The following BRDT variants were observed in gnomAD, a reference collection of about 807,000 sequenced individuals.
BRDT encodes bromodomain testis associated, also known as bromodomain testis-specific protein.
A neutral mutation model predicts 113.9 loss-of-function variants in BRDT; 77 were observed. That is an observed-to-expected ratio of 0.68 (90% confidence interval 0.56 to 0.82). The LOEUF (loss-of-function observed/expected upper bound fraction) is 0.82, where lower values mean the gene tolerates loss of function less well. Ranked by LOEUF, BRDT falls within the 40% of genes least tolerant of loss-of-function variation. The pLI, the probability that BRDT is intolerant of heterozygous loss-of-function variation, is 0.00. For missense variants in BRDT, 1,027 were observed against 1,105.4 expected (o/e 0.93, Z 1.01); for synonymous variants, 358 against 366.5 (o/e 0.98, Z 0.26).
chr1:91,988,606 G>A (rs1470983150), intron 12 of BRDT, among the ~76,000 whole-genome samples: 3 of 151,954 alleles, frequency 2.0e-5, no homozygotes, highest in South Asian at 4.1e-4. Context: ...TCACCAGGTT[G>A]GCCAGGCTGG....
intron 12 of BRDT, among the ~76,000 whole-genome samples, chr1:91,986,932 TTTA>T (rs1685297104): frequency 8.5e-6 from 1 of 117,112 alleles, no homozygotes; most frequent in African/African-American, 2.8e-5. Flanking sequence ...ATTTTAGACT[TTTA>T]TAAATTCTTT....
chr1:91,992,306 G>A lies in BRDT; in HGVS notation c.2107G>A (p.Val703Ile), dbSNP rs768666658. The A allele has an allele frequency of 3.8e-5, 57 of 1,513,698 alleles. No homozygotes were observed. Among genetic ancestry groups the A allele is most frequent in the Non-Finnish European group, 4.4e-5 (49 of 1,126,050 alleles). The allele number at this position is 1,513,698 out of a possible 1,614,324, so 93.8% of individuals were successfully genotyped here. ...CATACCGCCTGAAGGAAGAACAGGC[G>A]TCACACAGGTAATGCTTAAAATGTG... The part of the protein sequence containing the change: ...ECIPPEGRTG[V>I]TQIGYCVQDT... The change falls in exon 14 of 19, where the codon GTC becomes ATC. Residue 703 changes from valine to isoleucine, a missense_variant. By Grantham distance (29) the Val-to-Ile change is conservative. Transcript: ENST00000399546.
Position 91,991,228 on chromosome 1 carries a change from T to C in BRDT, c.2047T>C (p.Ser683Pro). The C allele has an allele frequency of 6.5e-7, 1 of 1,550,050 alleles. No homozygotes were observed. The highest frequency in any genetic ancestry group is 1.2e-5 in the South Asian group (1 of 85,722). ...FTEVKPNDSP[S>P]KENVKKMKNE... Reference sequence around the variant, plus strand: ...AGAAGTAAAACCAAATGATTCTCCTTCTAAAGAGAATGTAAAGGTAAGTGA... The same window carrying C: ...AGAAGTAAAACCAAATGATTCTCCTCCTAAAGAGAATGTAAAGGTAAGTGA... Residue 683 changes from serine (S) to proline (P), a missense_variant, in exon 13 of 19, where the codon TCT becomes CCT. Transcript: ENST00000399546.
At chr1:91,976,060 C>G (rs1684108913) in intron 4 of BRDT, among the ~76,000 whole-genome samples, 1 of 152,102 alleles carries the variant, frequency 6.6e-6, no homozygotes, top group Non-Finnish European at 1.5e-5. Flanking sequence ...ATAAACCTAC[C>G]ATTAATAACA....
At chr1:91,969,053 C>T (rs1301315819) in intron 4 of BRDT, among the ~76,000 whole-genome samples, 1 of 152,060 alleles carries the variant, frequency 6.6e-6, no homozygotes, top group Non-Finnish European at 1.5e-5. Flanking sequence ...TCTCCTGCCT[C>T]AGCCTCCAGA....
intron 15 of BRDT, among the ~76,000 whole-genome samples, chr1:91,994,849 C>A: frequency 1.0e-5 from 1 of 96,886 alleles, no homozygotes; most frequent in Non-Finnish European, 1.8e-5. Flanking sequence ...GCCTGGGCGA[C>A]AGAGCAAGAC....
At chr1:91,983,950 G>T (rs764471138) in intron 12 of BRDT, among the ~76,000 whole-genome samples, 1 of 152,154 alleles carries the variant, frequency 6.6e-6, no homozygotes, top group Non-Finnish European at 1.5e-5. Context: ...CCAAAGTGGC[G>T]TGAGCCACTG....
At chr1:91,973,577 T>C (rs1683833864) in intron 4 of BRDT, among the ~76,000 whole-genome samples, 1 of 152,214 alleles carries the variant, frequency 6.6e-6, no homozygotes, top group South Asian at 2.1e-4. Context: ...GATTTGGCTG[T>C]TTGTCTGTTA....
At position 91,977,104 on chromosome 1, in the gene BRDT, CA is replaced by C; in HGVS notation, c.682del (p.Ser228ValfsTer18). On this transcript the variant is annotated frameshift_variant, in exon 6 of 19. Coordinates refer to ENST00000399546, the MANE Select transcript of BRDT (RefSeq NM_207189.4). LOFTEE classifies it high-confidence loss of function. ...TTTPATSAVK[A>X]SSEFSPTFTE... ...ACTCCTGCAACTTCAGCAGTTAAAG[CA>C]AGTAGTGAATTTTCTCCAACATTCA... 1 of 1,613,442 alleles carries C rather than the reference CA, an allele frequency of 6.2e-7. No individual in the cohort carries two copies. The highest frequency in any genetic ancestry group is 1.1e-5 in the South Asian group (1 of 90,854).
intron 12 of BRDT, among the ~76,000 whole-genome samples, chr1:91,990,323 A>G (rs1685642800): frequency 6.6e-6 from 1 of 152,202 alleles, no homozygotes; most frequent in African/African-American, 2.4e-5. Flanking sequence ...ATCAGATAGA[A>G]TCTTTATTAT....
At chr1:91,955,514 TG>T (rs1681654019) in intron 1 of BRDT, among the ~76,000 whole-genome samples, 1 of 152,134 alleles carries the variant, frequency 6.6e-6, no homozygotes, top group Admixed American at 6.6e-5. Flanking sequence ...ACTCTTGTGG[TG>T]GCTTCTGTTT....
intron 7 of BRDT, among the ~76,000 whole-genome samples, chr1:91,979,124 T>A (rs1179681250): frequency 6.6e-6 from 1 of 151,184 alleles, no homozygotes; most frequent in East Asian, 1.9e-4. Flanking sequence ...GTCTTTTTTT[T>A]TTTTTTGAGA....
At chr1:91,988,026 T>A (rs1273672484) in intron 12 of BRDT, among the ~76,000 whole-genome samples, 3 of 152,036 alleles carry the variant, frequency 2.0e-5, no homozygotes, top group African/African-American at 7.2e-5. Flanking sequence ...ATTTTTGTAT[T>A]TTTAGTAGAG....
chr1:91,961,384 C>A (rs942224425), intron 1 of BRDT, among the ~76,000 whole-genome samples: 1 of 151,942 alleles, frequency 6.6e-6, no homozygotes, highest in Admixed American at 6.6e-5. Context: ...AATCTCAGCA[C>A]CTTGGGAGGC....
At chr1:91,973,424 T>G (rs1454805654) in intron 4 of BRDT, among the ~76,000 whole-genome samples, 2 of 152,160 alleles carry the variant, frequency 1.3e-5, no homozygotes, top group Non-Finnish European at 2.9e-5. Flanking sequence ...GCATGGAATG[T>G]TCTTCCATTT....
chr1:91,964,632 T>C lies in BRDT; in HGVS notation c.198T>C (p.Tyr66=). 1 of 1,406,450 alleles carries C rather than the reference T, an allele frequency of 7.1e-7. No individual in the cohort carries two copies. The highest frequency in any genetic ancestry group is 9.8e-7 in the Non-Finnish European group (1 of 1,025,134). 87.1% of individuals were successfully genotyped at this position (1,406,450 alleles called of 1,614,324 possible). Residue 66 remains tyrosine, a synonymous_variant, in exon 3 of 19, where the codon TAT becomes TAC. Coordinates refer to ENST00000399546, the MANE Select transcript of BRDT (RefSeq NM_207189.4). ...GAATTTGTTCAAAACCATAGGATTA[T>C]TATACCATTATAAAAAACCCAATGG... ...VDAVKLQLPD[Y]YTIIKNPMDL...
At position 91,981,330 on chromosome 1, in the gene BRDT, C is replaced by T. The variant is rs146154567; in HGVS notation, c.1813C>T (p.Arg605Trp). The T allele has an allele frequency of 1.0e-4, 168 of 1,613,854 alleles. No individual in the cohort carries two copies. The highest frequency in any genetic ancestry group is 7.6e-5 in the Non-Finnish European group (90 of 1,179,974). The stretch of plus-strand genomic sequence containing the variant: ...ACAGAAAAAACAGGAATTGGAAAAG[C>T]GGTTACTGGATGTTAATAATCAGTT... ...HSQKKQELEKRLLDVNNQLNS... is the reference protein window; with the variant it reads ...HSQKKQELEKWLLDVNNQLNS... Residue 605 changes from arginine (R) to tryptophan (W), a missense_variant, in exon 11 of 19, where the codon CGG becomes TGG. Coordinates refer to ENST00000399546, the MANE Select transcript of BRDT (RefSeq NM_207189.4).
At chr1:91,978,367 T>A (rs1484073017) in intron 7 of BRDT, 71 bp downstream of exon 7, 1 of 1,550,534 alleles carries the variant, frequency 6.4e-7, no homozygotes, top group African/African-American at 1.4e-5. Context: ...AGAACCATAA[T>A]GTAAGAGATA....
chr1:92,006,513 C>A (rs56041066), intron 18 of BRDT, among the ~76,000 whole-genome samples: 10,138 of 152,118 alleles, frequency 0.067, 390 homozygotes, highest in African/African-American at 0.096. Flanking sequence ...GTTGCCCAAG[C>A]TGGAGTGCAG....
Sources: allele counts gnomAD v4.1 joint callset (sites outside exome capture counted in the v4.1 genomes callset), GRCh38; gene constraint gnomAD v4.1.1; transcripts MANE v1.5; gene names NCBI Gene and HGNC (gene_info 2026-07-23, HGNC 2026-07-21).